The following TPRG1 variants were observed in gnomAD, a reference collection of about 807,000 sequenced individuals.
TPRG1 encodes the protein tumor protein p63-regulated gene 1 protein.
In TPRG1, 29 loss-of-function variants were observed where a neutral mutation model predicts 29.3. The ratio of observed to expected loss-of-function variants is 0.99; its 90% confidence interval spans 0.74 to 1.35. The LOEUF (loss-of-function observed/expected upper bound fraction) is 1.35. Ranked by LOEUF, TPRG1 falls within the 40% of genes most tolerant of loss-of-function variation. The pLI is 0.00. For synonymous variants in TPRG1, 130 were observed against 116.8 expected, an observed-to-expected ratio of 1.11 and a Z score of -0.73; for missense variants, 327 against 335.0, an observed-to-expected ratio of 0.98 and a Z score of 0.19.
At chr3:189,022,587 G>C (rs1033874811) in intron 3 of TPRG1, among the ~76,000 whole-genome samples, 13 of 151,746 alleles carry the variant, frequency 8.6e-5, no homozygotes, top group Admixed American at 3.3e-4. Context: ...CAGTCTGCCC[G>C]TTCTCAGATC....
At chr3:189,035,691 C>T (rs945834055) in intron 4 of TPRG1, among the ~76,000 whole-genome samples, 1 of 151,970 alleles carries the variant, frequency 6.6e-6, no homozygotes, top group Non-Finnish European at 1.5e-5. Flanking sequence ...CATCACTATT[C>T]ATTAGAGTGA....
chr3:189,113,717 A>G (rs1455754759), intron 1 of TPRG1, among the ~76,000 whole-genome samples: 1 of 151,204 alleles, frequency 6.6e-6, no homozygotes, highest in Non-Finnish European at 1.5e-5. Context: ...GAATTGAACA[A>G]TGAGAACACA....
intron 4 of TPRG1, among the ~76,000 whole-genome samples, chr3:189,057,373 A>G (rs1020613733): frequency 3.3e-5 from 5 of 152,170 alleles, no homozygotes; most frequent in African/African-American, 1.2e-4. Context: ...TAGATTGAAA[A>G]TCATTTTGTA....
intron 3 of TPRG1, among the ~76,000 whole-genome samples, chr3:189,217,401 G>A (rs184817724): frequency 6.6e-6 from 1 of 152,228 alleles, no homozygotes; most frequent in East Asian, 1.9e-4. Flanking sequence ...AACAATGAGG[G>A]ATGAGTCCTG....
At chr3:189,194,080 A>G (rs1732150848) in intron 1 of TPRG1, among the ~76,000 whole-genome samples, 1 of 151,440 alleles carries the variant, frequency 6.6e-6, no homozygotes, top group Non-Finnish European at 1.5e-5. Flanking sequence ...TTTCACCTGC[A>G]CCTGCTGTTG....
upstream of TPRG1, among the ~76,000 whole-genome samples, chr3:189,167,581 C>T (rs1417665314): frequency 6.6e-6 from 1 of 152,128 alleles, no homozygotes; most frequent in African/African-American, 2.4e-5. Context: ...AGAATTTCAA[C>T]ATGACAACAG....
chr3:189,312,112 T>TCTTCCTTCCTTCCTTCCTTC (rs1722642576), intron 5 of TPRG1, among the ~76,000 whole-genome samples: 1 of 72,052 alleles, frequency 1.4e-5, no homozygotes, highest in African/African-American at 7.2e-5. Flanking sequence ...TTTGTTTCTT[T>TCTTCCTTCCTTCCTTCCTTC]CTTTGTTTCT....
At chr3:189,182,962 G>C (rs1473288650) in intron 1 of TPRG1, among the ~76,000 whole-genome samples, 4 of 152,166 alleles carry the variant, frequency 2.6e-5, no homozygotes, top group Non-Finnish European at 5.9e-5. Flanking sequence ...GAACATGTAA[G>C]ATCTATTCTC....
chr3:189,157,813 T>C lies in TPRG1; in HGVS notation c.-10+6941T>C, dbSNP rs142338436. Among the ~76,000 whole-genome samples the C allele has an allele frequency of 6.4e-3, 967 of 152,242 alleles. 5 individuals carry two copies. Among genetic ancestry groups the C allele is most frequent in the Middle Eastern group, 0.01 (3 of 294 alleles). On this transcript the variant is annotated intron_variant, in intron 5 of 6. Coordinates refer to the TPRG1 transcript ENST00000412373. ...GATGAGTTGGGACCTGTAGGACCCA[T>C]GTGACAGGAGTTATTATGACTCCCT...
intron 3 of TPRG1, among the ~76,000 whole-genome samples, chr3:189,235,632 A>G (rs995316909): frequency 6.6e-6 from 1 of 152,180 alleles, no homozygotes; most frequent in Non-Finnish European, 1.5e-5. Flanking sequence ...GAAAAATTCT[A>G]GGAATGGTGT....
chr3:189,139,294 C>G (rs1201291869), intron 3 of TPRG1, among the ~76,000 whole-genome samples: 1 of 152,212 alleles, frequency 6.6e-6, no homozygotes, highest in Admixed American at 6.5e-5. Context: ...GTTTCACAGA[C>G]CCTCCTCTGT....
intron 4 of TPRG1, among the ~76,000 whole-genome samples, chr3:189,240,949 T>G (rs1353516241): frequency 6.6e-6 from 1 of 152,196 alleles, no homozygotes; most frequent in Non-Finnish European, 1.5e-5. Flanking sequence ...AATCTCAGTG[T>G]TTTTTAATAG....
At chr3:189,309,601 T>C in intron 4 of TPRG1, among the ~76,000 whole-genome samples, 1 of 152,146 alleles carries the variant, frequency 6.6e-6, no homozygotes, top group East Asian at 1.9e-4. Flanking sequence ...AAAAGAGGCC[T>C]CAGAAACACG....
chr3:189,250,963 G>A (rs758664057), intron 4 of TPRG1, among the ~76,000 whole-genome samples: 6 of 151,906 alleles, frequency 3.9e-5, no homozygotes, highest in Non-Finnish European at 7.4e-5. Context: ...TTGATCGCGG[G>A]CCTTAAAATC....
chr3:189,116,572 G>T (rs1415743307), intron 1 of TPRG1, among the ~76,000 whole-genome samples: 1 of 152,176 alleles, frequency 6.6e-6, no homozygotes. Context: ...TAAACAATAT[G>T]TAGTATGCAT....
At chr3:189,285,286 T>C (rs546008340) in intron 4 of TPRG1, among the ~76,000 whole-genome samples, 3 of 152,308 alleles carry the variant, frequency 2.0e-5, no homozygotes, top group African/African-American at 7.2e-5. Context: ...TTTGGGAAAG[T>C]GCTTGATGGC....
At position 189,086,873 on chromosome 3, in the gene TPRG1, A is replaced by G. The variant is rs565051939; in HGVS notation, c.-462-40184A>G. Reference sequence around the variant, plus strand: ...ATGGCTGCATAGTATTCCATGGTGTATATGTGCCACATTTTCTTAATCCAG... The same window carrying G: ...ATGGCTGCATAGTATTCCATGGTGTGTATGTGCCACATTTTCTTAATCCAG... On this transcript the variant is annotated intron_variant, in intron 4 of 10. Transcript: ENST00000433971. Among the ~76,000 whole-genome samples the G allele has an allele frequency of 2.0e-5, 3 of 152,286 alleles. No individual in the cohort carries two copies. In the East Asian group the frequency reaches 5.8e-4, roughly 29 times the overall value.
chr3:189,304,194 A>G (rs1367611735), intron 4 of TPRG1, among the ~76,000 whole-genome samples: 1 of 150,582 alleles, frequency 6.6e-6, no homozygotes, highest in African/African-American at 2.4e-5. Flanking sequence ...TATTGGGGGT[A>G]GAAAAGGATC....
chr3:189,017,173 T>C (rs1257839999), intron 3 of TPRG1, among the ~76,000 whole-genome samples: 4 of 151,040 alleles, frequency 2.6e-5, no homozygotes, highest in Admixed American at 1.3e-4. Flanking sequence ...GCCTGTCTTA[T>C]TTCAGAAAGA....
Sources: gnomAD v4.1 joint callset for allele counts (sites outside exome capture counted in the v4.1 genomes callset) on GRCh38, gnomAD v4.1.1 for gene constraint, MANE v1.5 for transcripts, NCBI Gene and HGNC (gene_info 2026-07-23, HGNC 2026-07-21) for gene names.